The following PFKP variants were observed in gnomAD, a reference collection of about 807,000 sequenced individuals.
The protein encoded by PFKP is ATP-dependent 6-phosphofructokinase, platelet type.
PFKP carries 101 observed loss-of-function variants against 94.3 expected under a neutral mutation model. That is an observed-to-expected ratio of 1.07 (90% CI 0.91 to 1.26). The LOEUF is 1.26. Ranked by LOEUF, PFKP falls within the 50% of genes most tolerant of loss-of-function variation. PFKP has a pLI of 0.00. For synonymous variants in PFKP, 573 were observed against 432.6 expected (o/e 1.32, Z -4.03); for missense variants, 1,145 against 1,103.3 (o/e 1.04, Z -0.53).
At chr10:3,116,920 T>C in intron 14 of PFKP, 74 bp downstream of exon 14, 1 of 1,184,212 alleles carries the variant, frequency 8.4e-7, no homozygotes, top group South Asian at 1.2e-5. Flanking sequence ...AGAGAATCGC[T>C]GGGTGCCGAC....
At chr10:3,083,921 G>C (rs1463977957) in intron 2 of PFKP, among the ~76,000 whole-genome samples, 1 of 152,198 alleles carries the variant, frequency 6.6e-6, no homozygotes. Context: ...GGGATTACAG[G>C]TGTGAGCCGC....
At chr10:3,111,370 G>A (rs939270174) in intron 10 of PFKP, among the ~76,000 whole-genome samples, 2 of 151,878 alleles carry the variant, frequency 1.3e-5, no homozygotes, top group Non-Finnish European at 2.9e-5. Flanking sequence ...GTGTGTGCCT[G>A]TGTGCATGTG....
chr10:3,106,635 GCCCCTCTCCTCACCCCTGCCCCTC>G (rs1835602489), intron 7 of PFKP, among the ~76,000 whole-genome samples: 1 of 14,380 alleles, frequency 7.0e-5, no homozygotes, highest in African/African-American at 1.9e-4. Flanking sequence ...CTTCACCCCT[GCCCCTCTCCTCACCCCTGCCCCTC>G]TCCTCACCCC....
Position 3,103,895 on chromosome 10 carries a change from C to T in PFKP, c.571C>T (p.Leu191=), listed in dbSNP as rs759219121. The T allele has an allele frequency of 1.1e-5, 18 of 1,613,978 alleles. No individual in the cohort carries two copies. Among genetic ancestry groups the T allele is most frequent in the Middle Eastern group, 3.3e-4 (2 of 6,062 alleles). ...CATGACCATCGGCACGGACTCCGCC[C>T]TGCACAGGATCATCGAGGTCGTCGA... is the stretch of plus-strand genomic sequence containing the variant. The part of the protein sequence containing the change: ...TDMTIGTDSA[L]HRIIEVVDAI... The change falls in exon 5 of 22, where the codon CTG becomes TTG. Residue 191 remains leucine, a synonymous_variant. Transcript: ENST00000381125.
At chr10:3,130,867 T>C (rs1005080849) in intron 17 of PFKP, among the ~76,000 whole-genome samples, 1 of 152,180 alleles carries the variant, frequency 6.6e-6, no homozygotes, top group Non-Finnish European at 1.5e-5. Flanking sequence ...CCATTGTCTT[T>C]TAAAAAGTTA....
intron 1 of PFKP, among the ~76,000 whole-genome samples, chr10:3,081,971 C>T (rs891448658): frequency 2.9e-4 from 32 of 110,126 alleles, no homozygotes; most frequent in Non-Finnish European, 5.4e-4. Context: ...TGTTGAAGCC[C>T]ATTGCCTTTT....
chr10:3,111,454 T>C (rs1205356075), intron 10 of PFKP, among the ~76,000 whole-genome samples: 3 of 152,040 alleles, frequency 2.0e-5, no homozygotes, highest in Non-Finnish European at 2.9e-5. Context: ...GTGTCTCATG[T>C]CTCTGCTTGT....
At position 3,097,078 on chromosome 10, in the gene PFKP, A is replaced by AAAAAAAC. The variant is rs1554765787; in HGVS notation, c.187-2183_187-2177dup. On this transcript the variant is annotated intron_variant, in intron 2 of 21. Coordinates refer to ENST00000381125, the MANE Select transcript of PFKP (RefSeq NM_002627.5). ...GGGTGACACAGCGAGACTCCGTCTC[A>AAAAAAAC]AAAAAACAAAAAACAAAAAAACCTG... Among the ~76,000 whole-genome samples, 5 of 6,652 alleles carry AAAAAAAC rather than the reference A, an allele frequency of 7.5e-4. 1 individual carries two copies. Among genetic ancestry groups the AAAAAAAC allele is most frequent in the African/African-American group, 2.8e-3 (5 of 1,786 alleles). The allele number at this position is 6,652 out of a possible 152,430, so 4.4% of individuals were successfully genotyped here.
At chr10:3,105,346 G>A (rs1835430756) in intron 6 of PFKP, 47 bp from the exon 7 acceptor site, 1 of 1,519,772 alleles carries the variant, frequency 6.6e-7, no homozygotes, top group East Asian at 2.3e-5. Context: ...CTGCCCTCGT[G>A]GGAAGGATCC....
rs200287924 is a variant in PFKP at position 3,129,772 on chromosome 10, G to A, written c.1684-47G>A. ...TTGGGGGAGCTCTGGGATGGTGGGC[G>A]CGCCCCGGGCCTGGGCTGGAGTGAC... On this transcript the variant is annotated intron_variant, in intron 16 of 21. Transcript: ENST00000381125. 625 of 1,600,518 alleles carry A rather than the reference G, an allele frequency of 3.9e-4. 1 individual carries two copies. Among genetic ancestry groups the A allele is most frequent in the Middle Eastern group, 3.9e-4 (2 of 5,188 alleles).
In PFKP at chr10:3,103,223, C is replaced by G. The variant is rs72778583; in HGVS notation, c.455-556C>G. Among the ~76,000 whole-genome samples, 1,023 of 152,332 alleles carry G rather than the reference C, an allele frequency of 6.7e-3. 10 individuals are homozygous for G. The highest frequency in any genetic ancestry group is 0.011 in the Non-Finnish European group (762 of 68,032). ...TACCGATTGCAAATGTGGATCCTTT[C>G]TTTTATTTTTCTAATCCACTGCTCT... On this transcript the variant is annotated intron_variant, in intron 4 of 21. Coordinates refer to ENST00000381125, the MANE Select transcript of PFKP (RefSeq NM_002627.5).
chr10:3,131,104 TATA>T lies in PFKP; in HGVS notation c.1848+1125_1848+1127del, dbSNP rs1312159187. Among the ~76,000 whole-genome samples the T allele has an allele frequency of 3.3e-5, 5 of 151,972 alleles. No homozygotes were observed. The East Asian group carries it at 9.6e-4, about 29-fold the overall frequency. Reference sequence around the variant, plus strand: ...AAACATATCTTTTTACATATATTTTTATAATATATATTTTATAAAAAGATGTTT... The same window carrying T: ...AAACATATCTTTTTACATATATTTTTATATATATTTTATAAAAAGATGTTT... On this transcript the variant is annotated intron_variant, in intron 17 of 21. Transcript: ENST00000381125.
At chr10:3,135,947 G>T in intron 21 of PFKP, 109 bp downstream of exon 21, 1 of 703,696 alleles carries the variant, frequency 1.4e-6, no homozygotes, top group South Asian at 1.7e-5. Flanking sequence ...TGAGGAACTG[G>T]CTTTTCTGAA....
chr10:3,118,279 C>A (rs969343953), intron 14 of PFKP, among the ~76,000 whole-genome samples: 3 of 151,978 alleles, frequency 2.0e-5, no homozygotes, highest in African/African-American at 7.3e-5. Flanking sequence ...CCATCCTGGC[C>A]AACATGGTGA....
chr10:3,087,173 G>A (rs938392097), intron 2 of PFKP, among the ~76,000 whole-genome samples: 1 of 151,944 alleles, frequency 6.6e-6, no homozygotes, highest in South Asian at 2.1e-4. Flanking sequence ...TGGCCAGGCT[G>A]GTCTTGAACT....
chr10:3,113,536 C>A lies in PFKP; in HGVS notation c.1371+18C>A, dbSNP rs766789441. On this transcript the variant is annotated intron_variant, in intron 13 of 21. Transcript: ENST00000381125. Reference sequence around the variant, plus strand: ...AGGGCCAGGTGAGTCACCCAGGATGCCGTAGGCAGGCAGACACCCTGGCTG... The same window carrying A: ...AGGGCCAGGTGAGTCACCCAGGATGACGTAGGCAGGCAGACACCCTGGCTG... 8 of 1,608,268 alleles carry A rather than the reference C, an allele frequency of 5.0e-6. 1 individual carries two copies. The South Asian group carries it at 8.8e-5, about 18-fold the overall frequency.
At chr10:3,100,058 TG>T (rs1834845781) in intron 3 of PFKP, among the ~76,000 whole-genome samples, 1 of 112,260 alleles carries the variant, frequency 8.9e-6, no homozygotes, top group African/African-American at 5.5e-5. Context: ...AGGTGTGTGG[TG>T]TGTGTGTGTG....
chr10:3,088,739 T>C (rs1833823082), intron 2 of PFKP, among the ~76,000 whole-genome samples: 1 of 152,192 alleles, frequency 6.6e-6, no homozygotes, highest in African/African-American at 2.4e-5. Context: ...AATATGCATA[T>C]ATCATTTACC....
chr10:3,105,524 T>A, intron 7 of PFKP, 23 bp downstream of exon 7: 1 of 1,506,182 alleles, frequency 6.6e-7, no homozygotes, highest in Non-Finnish European at 9.2e-7. Context: ...CCGTGGCCGT[T>A]GATAGCGGGC....
Sources: allele counts gnomAD v4.1 joint callset (sites outside exome capture counted in the v4.1 genomes callset), GRCh38; gene constraint gnomAD v4.1.1; transcripts MANE v1.5; gene names NCBI Gene and HGNC (gene_info 2026-07-23, HGNC 2026-07-21).